The following PPP4R2 variants were observed in gnomAD, a reference collection of about 807,000 sequenced individuals.
The protein encoded by PPP4R2 is protein phosphatase 4 regulatory subunit 2.
In PPP4R2, 13 loss-of-function variants were observed where a neutral mutation model predicts 47.2. The ratio of observed to expected loss-of-function variants is 0.28; its 90% confidence interval spans 0.18 to 0.44. The LOEUF (loss-of-function observed/expected upper bound fraction) is 0.44. PPP4R2 is among the 20% of genes least tolerant of loss of function. The pLI is 1.00. For synonymous variants in PPP4R2, 151 were observed against 163.3 expected, an observed-to-expected ratio of 0.92 and a Z score of 0.57; for missense variants, 421 against 491.2, an observed-to-expected ratio of 0.86 and a Z score of 1.35.
At chr3:73,062,133 G>T (rs1385947440) in intron 5 of PPP4R2, 1 of 1,547,932 alleles carries the variant, frequency 6.5e-7, no homozygotes, top group Admixed American at 2.1e-5. Context: ...CAGTCTTTTT[G>T]TTTGGGTCTG....
chr3:73,006,313 C>T (rs1701608962), intron 2 of PPP4R2, among the ~76,000 whole-genome samples: 2 of 150,538 alleles, frequency 1.3e-5, no homozygotes, highest in Admixed American at 6.7e-5. Context: ...ATTCTTCCGT[C>T]TCAGCCTCCC....
At chr3:72,997,107 CT>C in intron 1 of PPP4R2, 36 bp downstream of exon 1, 1 of 1,326,780 alleles carries the variant, frequency 7.5e-7, no homozygotes, top group Non-Finnish European at 9.8e-7. Flanking sequence ...TCCCCCTCAC[CT>C]TCTCCGGCTC....
chr3:72,997,217 G>A (rs980877667), intron 1 of PPP4R2, 146 bp downstream of exon 1: 8 of 536,570 alleles, frequency 1.5e-5, no homozygotes, highest in African/African-American at 1.4e-4. Context: ...CACCTCCCCA[G>A]GGGCGGGGAG....
intron 3 of PPP4R2, among the ~76,000 whole-genome samples, chr3:73,055,417 C>CATGT (rs1490495308): frequency 7.3e-6 from 1 of 137,346 alleles, no homozygotes; most frequent in South Asian, 2.3e-4. Flanking sequence ...AGTGGGGTAG[C>CATGT]GTGTGTGTGT....
chr3:73,054,048 C>G (rs1264875041), intron 3 of PPP4R2, among the ~76,000 whole-genome samples: 1 of 151,974 alleles, frequency 6.6e-6, no homozygotes, highest in African/African-American at 2.4e-5. Context: ...ACCTGAGTAG[C>G]TGGGATTACA....
chr3:73,054,670 A>G lies in PPP4R2; in HGVS notation c.288-4367A>G, dbSNP rs529080283. Among the ~76,000 whole-genome samples, 10 of 152,286 alleles carry G rather than the reference A, an allele frequency of 6.6e-5. No individual in the cohort carries two copies. The South Asian group carries it at 1.5e-3, about 22-fold the overall frequency. On this transcript the variant is annotated intron_variant, in intron 3 of 8. Coordinates refer to ENST00000356692, the MANE Select transcript of PPP4R2 (RefSeq NM_174907.4). Reference sequence around the variant, plus strand: ...GGTCATTTCTTTAGCTGTTTACTCCAGTAGCCTCTGTGCTACATGTTACAT... The same window carrying G: ...GGTCATTTCTTTAGCTGTTTACTCCGGTAGCCTCTGTGCTACATGTTACAT...
intron 2 of PPP4R2, among the ~76,000 whole-genome samples, chr3:73,040,912 C>T (rs191258119): frequency 3.0e-4 from 46 of 151,984 alleles, no homozygotes; most frequent in Admixed American, 2.4e-3. Context: ...TGCAAATACC[C>T]GTAGTGAGTA....
chr3:73,009,527 CATA>C lies in PPP4R2; in HGVS notation c.116+11372_116+11374del, dbSNP rs1279151884. The stretch of plus-strand genomic sequence containing the variant: ...GTGTCTGCCAGTGAATGTATGGAAT[CATA>C]ATGTTTATGGACTATTACTGTATAT... On this transcript the variant is annotated intron_variant, in intron 2 of 8. Coordinates refer to ENST00000356692, the MANE Select transcript of PPP4R2 (RefSeq NM_174907.4). Among the ~76,000 whole-genome samples, 5 of 152,300 alleles carry C rather than the reference CATA, an allele frequency of 3.3e-5. No individual in the cohort carries two copies. In the East Asian group the frequency reaches 7.7e-4, roughly 24 times the overall value.
intron 3 of PPP4R2, among the ~76,000 whole-genome samples, chr3:73,056,175 T>C (rs1336573083): frequency 6.6e-6 from 1 of 152,244 alleles, no homozygotes; most frequent in African/African-American, 2.4e-5. Context: ...TTTCATTTTG[T>C]ACTGGTTTTT....
At position 73,029,616 on chromosome 3, in the gene PPP4R2, A is replaced by G. The variant is rs555832681; in HGVS notation, c.117-17570A>G. ...AATATGTGGGAAAGATCAGAAGTTC[A>G]GTTTTGGACATGCCAAATATTACTT... On this transcript the variant is annotated intron_variant, in intron 2 of 8. Transcript: ENST00000356692. Among the ~76,000 whole-genome samples the G allele has an allele frequency of 7.2e-5, 11 of 152,298 alleles. No individual in the cohort carries two copies. In the South Asian group the frequency reaches 1.5e-3, roughly 20 times the overall value.
In PPP4R2 at chr3:73,064,978, A is replaced by C. The variant is rs759473276; in HGVS notation, c.765A>C (p.Glu255Asp). Residue 255 changes from glutamate (E) to aspartate (D), a missense_variant, in exon 8 of 9, where the codon GAA (glutamate) becomes GAC (aspartate). Transcript: ENST00000356692. ...GACTCAGGTTTGACAAAGAAGGTGA[A>C]GTCAGAGAAACAGCCAGTCAAACGA... The part of the protein sequence containing the change: ...VKRLRFDKEG[E>D]VRETASQTTS... 3 of 1,613,804 alleles carry C rather than the reference A, an allele frequency of 1.9e-6. No homozygotes were observed. In the African/African-American group the frequency reaches 4.0e-5, roughly 22 times the overall value.
At chr3:73,030,695 T>TC (rs1258794535) in intron 2 of PPP4R2, among the ~76,000 whole-genome samples, 1 of 151,814 alleles carries the variant, frequency 6.6e-6, no homozygotes, top group East Asian at 1.9e-4. Context: ...TATTTTTTTT[T>TC]CTCTTTCCTC....
intron 1 of PPP4R2, 39 bp from the exon 2 acceptor site, chr3:72,998,038 G>T: frequency 6.9e-7 from 1 of 1,458,482 alleles, no homozygotes; most frequent in South Asian, 1.2e-5. Context: ...GAGCGCTTTT[G>T]AGAAAACTGA....
intron 2 of PPP4R2, among the ~76,000 whole-genome samples, chr3:73,020,672 TAAAA>T (rs1553646728): frequency 2.3e-5 from 3 of 133,202 alleles, no homozygotes; most frequent in African/African-American, 5.8e-5. Context: ...CCTGTCTCTT[TAAAA>T]AAAAAAAAAA....
chr3:73,027,362 A>T (rs1373104520), intron 2 of PPP4R2, among the ~76,000 whole-genome samples: 1 of 152,164 alleles, frequency 6.6e-6, no homozygotes, highest in East Asian at 1.9e-4. Context: ...TCCTGACCTC[A>T]TGATCCGCCA....
At chr3:73,033,599 TCA>T (rs1287746441) in intron 2 of PPP4R2, among the ~76,000 whole-genome samples, 1 of 152,226 alleles carries the variant, frequency 6.6e-6, no homozygotes, top group Non-Finnish European at 1.5e-5. Flanking sequence ...TTAAGTACAT[TCA>T]CAGTGTTGTA....
Position 72,999,709 on chromosome 3 carries a change from T to C in PPP4R2, c.116+1551T>C, listed in dbSNP as rs143050601. On this transcript the variant is annotated intron_variant, in intron 2 of 8. Transcript: ENST00000356692. ...GCTGGGGAAGTTATCTGATTTTTTTTGGACAGTTATTTTATCCTGGTAGAA... is the reference window on the plus strand; with the variant it reads ...GCTGGGGAAGTTATCTGATTTTTTTCGGACAGTTATTTTATCCTGGTAGAA... Among the ~76,000 whole-genome samples, 6 of 152,362 alleles carry C rather than the reference T, an allele frequency of 3.9e-5. No individual in the cohort carries two copies. In the East Asian group the frequency reaches 1.2e-3, roughly 29 times the overall value.
rs1468270717 is a variant in PPP4R2 at position 72,996,839 on chromosome 3, C to T, written c.-199C>T. 2.5e-6 allele frequency: 1 copy of T among 396,788 alleles called. No homozygotes were observed. 24.6% of individuals were successfully genotyped at this position (396,788 alleles called of 1,614,324 possible). The stretch of plus-strand genomic sequence containing the variant: ...CGCCATGTTGGAGGGTTGGTGGTAG[C>T]GGCTTGGGGAGGTGCTCGCTCTGTC... On this transcript the variant is annotated 5_prime_UTR_variant, in exon 1 of 9. Transcript: ENST00000356692.
chr3:73,004,129 C>T (rs1458686629), intron 2 of PPP4R2, among the ~76,000 whole-genome samples: 1 of 152,006 alleles, frequency 6.6e-6, no homozygotes, highest in African/African-American at 2.4e-5. Context: ...AGCCACTGCG[C>T]CTGGCCTGGA....
Sources: allele counts gnomAD v4.1 joint callset (sites outside exome capture counted in the v4.1 genomes callset), GRCh38; gene constraint gnomAD v4.1.1; transcripts MANE v1.5; gene names NCBI Gene and HGNC (gene_info 2026-07-23, HGNC 2026-07-21).